Variants in CAMK4 observed in about 807,000 individuals in gnomAD.
CAMK4 encodes the protein calcium/calmodulin-dependent protein kinase type IV.
In CAMK4, 22 loss-of-function variants were observed where a neutral mutation model predicts 44.9. The observed-to-expected ratio is 0.49, with a 90% CI of 0.35 to 0.70. CAMK4 has a LOEUF of 0.70. Among genes scored for constraint, CAMK4 ranks in the 30% least tolerant of loss-of-function variants. The pLI, the probability that CAMK4 is intolerant of heterozygous loss-of-function variation, is 0.01. For synonymous variants in CAMK4, 218 were observed against 215.4 expected, an observed-to-expected ratio of 1.01 and a Z score of -0.11; for missense variants, 498 against 586.8, an observed-to-expected ratio of 0.85 and a Z score of 1.56.
At chr5:111,404,010 T>C (rs1363557514) in intron 5 of CAMK4, among the ~76,000 whole-genome samples, 1 of 152,192 alleles carries the variant, frequency 6.6e-6, no homozygotes, top group East Asian at 1.9e-4. Flanking sequence ...GGCTGTAAGG[T>C]GACCCTTTGA....
chr5:111,275,966 A>G (rs1400492649), intron 1 of CAMK4, among the ~76,000 whole-genome samples: 1 of 152,190 alleles, frequency 6.6e-6, no homozygotes, highest in Non-Finnish European at 1.5e-5. Context: ...GGTATATTTC[A>G]GGACCTTAAA....
intron 5 of CAMK4, among the ~76,000 whole-genome samples, chr5:111,415,450 C>T (rs1369720149): frequency 1.3e-5 from 2 of 152,140 alleles, no homozygotes; most frequent in African/African-American, 2.4e-5. Flanking sequence ...CTGTGAAGTG[C>T]TTCCTTTAAG....
intron 5 of CAMK4, among the ~76,000 whole-genome samples, chr5:111,414,348 C>T (rs573615779): frequency 6.2e-4 from 94 of 152,228 alleles, no homozygotes; most frequent in Non-Finnish European, 1.1e-3. Context: ...TAAACTGCAG[C>T]ATCCCCCTCT....
At chr5:111,307,933 A>AT (rs1747994410) in intron 1 of CAMK4, among the ~76,000 whole-genome samples, 1 of 44,146 alleles carries the variant, frequency 2.3e-5, no homozygotes, top group African/African-American at 1.2e-4. Context: ...AAAAATGATG[A>AT]GTTCATGTCC....
chr5:111,462,943 A>T (rs1044514751), intron 7 of CAMK4, among the ~76,000 whole-genome samples: 4 of 152,212 alleles, frequency 2.6e-5, no homozygotes, highest in Non-Finnish European at 4.4e-5. Context: ...ATGGTATGTT[A>T]ATGAATATAT....
At chr5:111,320,737 C>T (rs530376114) in intron 1 of CAMK4, among the ~76,000 whole-genome samples, 18 of 152,174 alleles carry the variant, frequency 1.2e-4, no homozygotes, top group Admixed American at 1.2e-3. Flanking sequence ...AACTCCTGAC[C>T]TCAGGTGATC....
chr5:111,484,416 G>T lies in CAMK4; in HGVS notation c.1372G>T (p.Ala458Ser). The change falls in exon 11 of 11, where the codon GCT becomes TCT. Residue 458 changes from alanine to serine, a missense_variant. By Grantham distance (99) the Ala-to-Ser change is moderately conservative. Transcript: ENST00000282356. The surrounding 1 kb of genome is among the most constrained non-coding windows in gnomAD (Gnocchi z 5.3). The stretch of plus-strand genomic sequence containing the variant: ...TCCCAGAGAAGGGCAAGGAAGCTCT[G>T]CTGTGGGTTTTGAAGTTCCACAGCA... ...AAPREGQGSS[A>S]VGFEVPQQDV... 6.5e-7 allele frequency: 1 copy of T among 1,546,932 alleles called. No individual in the cohort carries two copies. Among genetic ancestry groups the T allele is most frequent in the South Asian group, 1.3e-5 (1 of 79,952 alleles).
chr5:111,376,412 G>A (rs1751214554), intron 3 of CAMK4, among the ~76,000 whole-genome samples: 1 of 151,922 alleles, frequency 6.6e-6, no homozygotes, highest in Non-Finnish European at 1.5e-5. Flanking sequence ...CATATAGGCC[G>A]ACTTTAAGCT....
intron 5 of CAMK4, among the ~76,000 whole-genome samples, chr5:111,429,345 A>G (rs1753346875): frequency 6.6e-6 from 1 of 152,228 alleles, no homozygotes; most frequent in Non-Finnish European, 1.5e-5. Context: ...AATTAGTGCT[A>G]CTGCGAGCAA....
chr5:111,265,460 G>T (rs73786862), intron 1 of CAMK4, among the ~76,000 whole-genome samples: 1 of 152,120 alleles, frequency 6.6e-6, no homozygotes, highest in African/African-American at 2.4e-5. Flanking sequence ...ATATTCGCGG[G>T]TAGTCGGATT....
At chr5:111,414,319 A>T (rs947620031) in intron 5 of CAMK4, among the ~76,000 whole-genome samples, 5 of 152,204 alleles carry the variant, frequency 3.3e-5, no homozygotes, top group African/African-American at 1.2e-4. Context: ...ATCTAAACCT[A>T]GAAATGTATC....
At chr5:111,292,588 C>T (rs1038138204) in intron 1 of CAMK4, among the ~76,000 whole-genome samples, 1 of 151,812 alleles carries the variant, frequency 6.6e-6, no homozygotes, top group African/African-American at 2.4e-5. Flanking sequence ...AATCTAAGTC[C>T]TCCCTTAGCC....
At chr5:111,447,168 T>G (rs899481256) in intron 6 of CAMK4, among the ~76,000 whole-genome samples, 21 of 152,188 alleles carry the variant, frequency 1.4e-4, no homozygotes, top group Admixed American at 1.3e-4. Context: ...ATAAAGAACT[T>G]TGACATAAAA....
intron 4 of CAMK4, among the ~76,000 whole-genome samples, chr5:111,393,792 A>G (rs965921530): frequency 2.0e-5 from 3 of 152,046 alleles, no homozygotes; most frequent in Non-Finnish European, 2.9e-5. Context: ...CTGGGTGATG[A>G]AATAACCTGT....
rs1275442479 is a variant in CAMK4 at position 111,486,515 on chromosome 5, A to AC, written c.*2050dup. 4.9e-5 allele frequency: 6 copies of AC among 122,018 alleles called. No individual in the cohort carries two copies. Among genetic ancestry groups the AC allele is most frequent in the Non-Finnish European group, 1.1e-4 (6 of 56,948 alleles). 7.6% of individuals were successfully genotyped at this position (122,018 alleles called of 1,614,324 possible). A position where few individuals can be genotyped will look rare whatever the true frequency, so the allele number is the denominator to read the frequency against. ...ATGAGACTGAAACACACACACACAC[A>AC]CACACACACACACACACACACACAC... On this transcript the variant is annotated 3_prime_UTR_variant, in exon 11 of 11. Coordinates refer to ENST00000282356, the MANE Select transcript of CAMK4 (RefSeq NM_001744.6).
intron 5 of CAMK4, among the ~76,000 whole-genome samples, chr5:111,409,331 G>A (rs959663785): frequency 6.6e-6 from 1 of 152,240 alleles, no homozygotes; most frequent in Admixed American, 6.5e-5. Context: ...CTTGGGGCTT[G>A]CACCTTCTGA....
chr5:111,461,708 T>TCCTTCCC (rs1237307856), intron 7 of CAMK4, among the ~76,000 whole-genome samples: 2 of 145,376 alleles, frequency 1.4e-5, no homozygotes, highest in Non-Finnish European at 1.5e-5. Context: ...TCCTCCCTCC[T>TCCTTCCC]CCTTCCCAGA....
intron 4 of CAMK4, among the ~76,000 whole-genome samples, chr5:111,392,861 C>T (rs984855983): frequency 6.6e-6 from 1 of 152,184 alleles, no homozygotes; most frequent in South Asian, 2.1e-4. Flanking sequence ...TTATATTATA[C>T]TGGATAGTAA....
At chr5:111,446,470 T>A (rs1754031554) in intron 5 of CAMK4, among the ~76,000 whole-genome samples, 1 of 152,240 alleles carries the variant, frequency 6.6e-6, no homozygotes, top group Non-Finnish European at 1.5e-5. Context: ...GAATAGATTC[T>A]ATACAATTTA....
Sources: gnomAD v4.1 joint callset for allele counts (sites outside exome capture counted in the v4.1 genomes callset) on GRCh38, gnomAD v4.1.1 for gene constraint, Gnocchi (gnomAD v3.1) non-coding constraint, MANE v1.5 for transcripts, NCBI Gene and HGNC (gene_info 2026-07-23, HGNC 2026-07-21) for gene names.